Variants in IFNAR2 observed in about 807,000 individuals in gnomAD.
IFNAR2 encodes the protein interferon alpha and beta receptor subunit 2, also known as interferon alpha/beta receptor 2.
Under a neutral mutation model 49.4 loss-of-function variants are expected in IFNAR2, and 30 were observed. The ratio of observed to expected loss-of-function variants is 0.61; its 90% CI spans 0.45 to 0.82. IFNAR2 has a LOEUF of 0.82. Ranked by LOEUF, IFNAR2 falls within the 40% of genes least tolerant of loss-of-function variation. IFNAR2 has a pLI of 0.00. For missense variants in IFNAR2, 600 were observed against 622.7 expected, an observed-to-expected ratio of 0.96 and a Z score of 0.39; for synonymous variants, 224 against 234.5, an observed-to-expected ratio of 0.96 and a Z score of 0.41.
At chr21:33,240,585 C>A (rs1986844071) in intron 1 of IFNAR2, among the ~76,000 whole-genome samples, 1 of 152,090 alleles carries the variant, frequency 6.6e-6, no homozygotes, top group Non-Finnish European at 1.5e-5. Flanking sequence ...CTTTGGGAGG[C>A]CAAGGCGAGA....
intron 1 of IFNAR2, among the ~76,000 whole-genome samples, chr21:33,239,355 G>T (rs1432248125): frequency 1.3e-5 from 2 of 152,194 alleles, no homozygotes; most frequent in Non-Finnish European, 2.9e-5. Flanking sequence ...GTGTCCAGTG[G>T]TCTCATGTCA....
In IFNAR2 at chr21:33,252,806, C is replaced by G. The variant is rs2123504449; in HGVS notation, c.685C>G (p.Leu229Val). 9 of 1,613,744 alleles carry G rather than the reference C, an allele frequency of 5.6e-6. No individual in the cohort carries two copies. Among genetic ancestry groups the G allele is most frequent in the Non-Finnish European group, 7.6e-6 (9 of 1,179,666 alleles). The change falls in exon 7 of 9, where the codon CTC becomes GTC. Residue 229 changes from leucine to valine, a missense_variant. Leu to Val is a conservative substitution (Grantham distance 32). Transcript: ENST00000342136. ...AVIKSPLKCT[L>V]LPPGQESESA... ...AATAAAGTCTCCCTTAAAATGCACC[C>G]TCCTTCCACCTGGCCAGGAATCAGG...
At position 33,230,812 on chromosome 21, in the gene IFNAR2, G is replaced by A. The variant is rs1663055827; in HGVS notation, c.-84+596G>A. 6.6e-6 allele frequency among the ~76,000 whole-genome samples: 1 copy of A among 152,180 alleles called. No individual in the cohort carries two copies. Among genetic ancestry groups the A allele is most frequent in the African/African-American group, 2.4e-5 (1 of 41,438 alleles). On this transcript the variant is annotated intron_variant, in intron 1 of 8. Transcript: ENST00000342136. This position sits in a 1 kb window ranked among gnomAD's most constrained non-coding sequence, Gnocchi z 5.5. The stretch of plus-strand genomic sequence containing the variant: ...GACGTGGCCGCGGAGACAGAAGGGT[G>A]CACCCTCCCAGGGTCGGAGAGGGGA...
intron 1 of IFNAR2, among the ~76,000 whole-genome samples, chr21:33,237,083 GTGTGTGTGTGT>G (rs1986526824): frequency 6.6e-6 from 1 of 151,086 alleles, no homozygotes; most frequent in Admixed American, 6.6e-5. Flanking sequence ...AATGGGGTGT[GTGTGTGTGTGT>G]GTGTGTGTGT....
At chr21:33,257,471 G>A (rs778636901) in intron 7 of IFNAR2, among the ~76,000 whole-genome samples, 6 of 152,280 alleles carry the variant, frequency 3.9e-5, no homozygotes, top group African/African-American at 1.4e-4. Context: ...TCCCGTGTTC[G>A]TTTCTGTCCT....
chr21:33,248,576 G>A (rs541735522), intron 5 of IFNAR2, 133 bp from the exon 6 acceptor site: 297 of 667,340 alleles, frequency 4.5e-4, no homozygotes, highest in South Asian at 1.9e-3. Flanking sequence ...AATAGCATTA[G>A]CAATGAAAAA....
At chr21:33,252,593 C>A in intron 6 of IFNAR2, 69 bp from the exon 7 acceptor site, 1 of 1,538,820 alleles carries the variant, frequency 6.5e-7, no homozygotes, top group Non-Finnish European at 8.7e-7. Flanking sequence ...AAGACAAATC[C>A]CAAAAGAGAT....
chr21:33,260,471 A>G (rs931477382), intron 7 of IFNAR2, 126 bp from the exon 8 acceptor site: 9 of 776,296 alleles, frequency 1.2e-5, no homozygotes, highest in Non-Finnish European at 1.8e-5. Flanking sequence ...TTCTCAATAT[A>G]AAACTGTTTT....
At chr21:33,240,887 G>C (rs775332810) in intron 1 of IFNAR2, among the ~76,000 whole-genome samples, 3 of 151,782 alleles carry the variant, frequency 2.0e-5, no homozygotes, top group Non-Finnish European at 4.4e-5. Context: ...TCGTGTTTTT[G>C]CAGCAACATG....
intron 1 of IFNAR2, among the ~76,000 whole-genome samples, chr21:33,239,742 C>A (rs141873423): frequency 7.5e-4 from 113 of 150,964 alleles, no homozygotes; most frequent in African/African-American, 2.7e-3. Flanking sequence ...AGGTTCTGTA[C>A]TCTCCCTCCT....
At chr21:33,236,366 C>T (rs1381883274) in intron 1 of IFNAR2, among the ~76,000 whole-genome samples, 1 of 152,220 alleles carries the variant, frequency 6.6e-6, no homozygotes, top group Non-Finnish European at 1.5e-5. Context: ...TCAAGCCTTG[C>T]ATCTCCCTTT....
At chr21:33,241,103 A>G (rs573564003) in intron 1 of IFNAR2, among the ~76,000 whole-genome samples, 2 of 152,214 alleles carry the variant, frequency 1.3e-5, no homozygotes, top group Non-Finnish European at 2.9e-5. Context: ...AATGTATACT[A>G]TTCAGGTGAT....
At chr21:33,252,399 CTTTTA>C (rs1967234922) in intron 6 of IFNAR2, 1 of 921,486 alleles carries the variant, frequency 1.1e-6, no homozygotes, top group South Asian at 5.0e-5. Flanking sequence ...TCTTTGAAGA[CTTTTA>C]TCTCATTTGT....
chr21:33,260,768 G>T, intron 8 of IFNAR2, 41 bp downstream of exon 8: 1 of 1,296,490 alleles, frequency 7.7e-7, no homozygotes, highest in Non-Finnish European at 1.0e-6. Context: ...TTCTATCTTT[G>T]TTTTTTATTT....
intron 1 of IFNAR2, chr21:33,234,704 T>C (rs539443781): frequency 1.0e-6 from 1 of 982,088 alleles, no homozygotes; most frequent in Non-Finnish European, 1.2e-6. Flanking sequence ...CAGGTAGAGC[T>C]CTTCTTTCAG....
chr21:33,248,189 G>A (rs1285332694), intron 5 of IFNAR2, among the ~76,000 whole-genome samples: 2 of 152,082 alleles, frequency 1.3e-5, no homozygotes, highest in African/African-American at 4.8e-5. Flanking sequence ...CTCTAATCCA[G>A]AATTCTTTAG....
At chr21:33,235,858 G>A (rs927065331) in intron 1 of IFNAR2, among the ~76,000 whole-genome samples, 12 of 152,200 alleles carry the variant, frequency 7.9e-5, no homozygotes, top group Non-Finnish European at 1.5e-4. Flanking sequence ...CTCGGAAGGC[G>A]GAGCTTGCAG....
intron 1 of IFNAR2, among the ~76,000 whole-genome samples, chr21:33,238,649 A>T (rs1483940421): frequency 6.7e-6 from 1 of 149,580 alleles, no homozygotes; most frequent in Non-Finnish European, 1.5e-5. Flanking sequence ...CATAAAACTC[A>T]AAAACTTCTG....
chr21:33,234,733 G>A (rs1163110790), intron 1 of IFNAR2: 1 of 984,986 alleles, frequency 1.0e-6, no homozygotes, highest in Non-Finnish European at 1.2e-6. Context: ...AGGCCACAGT[G>A]TCACAGGGTG....
Sources: allele counts gnomAD v4.1 joint callset (sites outside exome capture counted in the v4.1 genomes callset), GRCh38; gene constraint gnomAD v4.1.1; non-coding constraint Gnocchi (gnomAD v3.1); transcripts MANE v1.5; gene names NCBI Gene and HGNC (gene_info 2026-07-23, HGNC 2026-07-21).